Variants in FMN1 observed in about 807,000 individuals in gnomAD.
FMN1 encodes formin-1.
FMN1 carries 110 observed loss-of-function variants against 132.4 expected under a neutral mutation model. The observed-to-expected ratio is 0.83, with a 90% confidence interval of 0.71 to 0.97. The LOEUF (loss-of-function observed/expected upper bound fraction) is 0.97. FMN1 is among the 50% of genes least tolerant of loss of function. FMN1 has a pLI of 0.00. For missense variants in FMN1, 1,792 were observed against 1,705.3 expected, an observed-to-expected ratio of 1.05 and a Z score of -0.90; for synonymous variants, 722 against 651.7, an observed-to-expected ratio of 1.11 and a Z score of -1.64.
chr15:33,107,878 G>A (rs781747996), intron 4 of FMN1, among the ~76,000 whole-genome samples: 4 of 152,098 alleles, frequency 2.6e-5, no homozygotes, highest in Non-Finnish European at 4.4e-5. Context: ...AAATGTAAAT[G>A]CTAGTATATT....
chr15:33,156,415 G>A (rs991347325), intron 3 of FMN1, among the ~76,000 whole-genome samples: 5 of 151,522 alleles, frequency 3.3e-5, no homozygotes, highest in African/African-American at 7.3e-5. Flanking sequence ...CGAATAGGTG[G>A]GACTACAGGC....
chr15:32,981,243 G>A (rs1482952723), intron 7 of FMN1, among the ~76,000 whole-genome samples: 15 of 151,938 alleles, frequency 9.9e-5, no homozygotes, highest in Admixed American at 5.2e-4. Context: ...TGTAATCCCA[G>A]CACTTTGGGA....
At chr15:32,837,244 G>T in intron 17 of FMN1, 1 of 229,494 alleles carries the variant, frequency 4.4e-6, no homozygotes, top group East Asian at 1.1e-4. Context: ...CAAGATTTTG[G>T]GTGGATGCTG....
chr15:32,990,692 G>A (rs184560804), intron 7 of FMN1, among the ~76,000 whole-genome samples: 118 of 152,308 alleles, frequency 7.7e-4, no homozygotes, highest in African/African-American at 2.8e-3. Context: ...GCCCCAGACT[G>A]GGTAATTATA....
intron 4 of FMN1, among the ~76,000 whole-genome samples, chr15:33,134,861 G>T (rs1336330422): frequency 6.6e-6 from 1 of 152,164 alleles, no homozygotes; most frequent in African/African-American, 2.4e-5. Context: ...ATTTAGCCAG[G>T]CGTGGTGGCT....
chr15:32,845,048 T>C (rs1418595565), intron 17 of FMN1, among the ~76,000 whole-genome samples: 1 of 152,226 alleles, frequency 6.6e-6, no homozygotes, highest in Admixed American at 6.5e-5. Context: ...TTATATAACA[T>C]GTATTATGCA....
At chr15:32,838,408 G>C (rs890068755) in intron 17 of FMN1, among the ~76,000 whole-genome samples, 3 of 152,172 alleles carry the variant, frequency 2.0e-5, no homozygotes, top group African/African-American at 7.2e-5. Context: ...ATCTCAAGAG[G>C]AGATAAATGG....
At chr15:32,885,637 C>T (rs1419866363) in intron 16 of FMN1, among the ~76,000 whole-genome samples, 1 of 152,134 alleles carries the variant, frequency 6.6e-6, no homozygotes, top group African/African-American at 2.4e-5. Flanking sequence ...CAATAAGTTG[C>T]AGTTGATACT....
chr15:32,900,217 T>C (rs2060262697), intron 13 of FMN1, 92 bp from the exon 14 acceptor site: 2 of 1,372,972 alleles, frequency 1.5e-6, no homozygotes, highest in African/African-American at 2.8e-5. Context: ...CTCAATAGGC[T>C]GTCGGGAGGC....
intron 7 of FMN1, among the ~76,000 whole-genome samples, chr15:32,998,101 A>G (rs1447250810): frequency 1.3e-5 from 2 of 152,204 alleles, no homozygotes; most frequent in Admixed American, 6.5e-5. Flanking sequence ...TGGCAACTAG[A>G]GCATCCATGC....
intron 9 of FMN1, among the ~76,000 whole-genome samples, chr15:32,935,672 G>A (rs542776520): frequency 1.3e-5 from 2 of 151,508 alleles, no homozygotes; most frequent in Admixed American, 6.6e-5. Context: ...CTGTCACCCA[G>A]GCTGGAGTGC....
chr15:33,163,263 G>A (rs535501583), intron 3 of FMN1, among the ~76,000 whole-genome samples: 11 of 151,950 alleles, frequency 7.2e-5, no homozygotes, highest in African/African-American at 2.2e-4. Context: ...AACCTGTACC[G>A]GTATTTGCTA....
chr15:32,903,662 C>T (rs930123728), intron 12 of FMN1, among the ~76,000 whole-genome samples: 1 of 152,096 alleles, frequency 6.6e-6, no homozygotes, highest in African/African-American at 2.4e-5. Flanking sequence ...CCTCGGCTCA[C>T]CAAAAAGGAC....
chr15:32,994,232 T>TCTCA (rs904998781), intron 7 of FMN1, among the ~76,000 whole-genome samples: 1 of 37,200 alleles, frequency 2.7e-5, no homozygotes, highest in African/African-American at 5.6e-5. Context: ...TCTCTCTCTC[T>TCTCA]CACACACACA....
chr15:32,823,152 GTT>G (rs373185751), intron 17 of FMN1, among the ~76,000 whole-genome samples: 9,398 of 82,294 alleles, frequency 0.11, 100 homozygotes, highest in Non-Finnish European at 0.15. Flanking sequence ...AGTTTCTACT[GTT>G]TTTTTTTTTT....
At chr15:32,787,359 T>TA (rs1180282553) in intron 19 of FMN1, among the ~76,000 whole-genome samples, 2 of 152,152 alleles carry the variant, frequency 1.3e-5, no homozygotes, top group African/African-American at 2.4e-5. Flanking sequence ...GCCACATACT[T>TA]AGACAGACAC....
At chr15:33,124,605 T>C (rs185918420) in intron 4 of FMN1, among the ~76,000 whole-genome samples, 2 of 152,312 alleles carry the variant, frequency 1.3e-5, no homozygotes, top group Non-Finnish European at 2.9e-5. Flanking sequence ...TATACAAATA[T>C]TGCATTAATC....
chr15:33,165,399 T>C (rs34410148), intron 3 of FMN1, among the ~76,000 whole-genome samples: 5,098 of 152,286 alleles, frequency 0.033, 137 homozygotes, highest in Middle Eastern at 0.058. Context: ...GGTTTTTCTT[T>C]CTTTTTTTTG....
chr15:32,788,591 C>T (rs912238566), intron 19 of FMN1, among the ~76,000 whole-genome samples: 6 of 152,206 alleles, frequency 3.9e-5, no homozygotes, highest in Admixed American at 3.9e-4. Flanking sequence ...AATCATTCTA[C>T]CCAGGCAGCC....
Sources: allele counts gnomAD v4.1 joint callset (sites outside exome capture counted in the v4.1 genomes callset), GRCh38; gene constraint gnomAD v4.1.1; transcripts MANE v1.5; gene names NCBI Gene and HGNC (gene_info 2026-07-23, HGNC 2026-07-21).